PCDHGA12: variants seen among roughly 807,000 people sequenced by gnomAD.
PCDHGA12 encodes protocadherin gamma-A12.
A neutral mutation model predicts 61.1 loss-of-function variants in PCDHGA12; 43 were observed. The ratio of observed to expected loss-of-function variants is 0.70; its 90% CI spans 0.55 to 0.91. The LOEUF (loss-of-function observed/expected upper bound fraction) is 0.91. Among genes scored for constraint, PCDHGA12 ranks in the 40% least tolerant of loss-of-function variants. PCDHGA12 has a pLI of 0.00. For missense variants in PCDHGA12, 1,236 were observed against 1,227.7 expected, an observed-to-expected ratio of 1.01 and a Z score of -0.10; for synonymous variants, 520 against 542.9, an observed-to-expected ratio of 0.96 and a Z score of 0.59.
At position 141,487,447 on chromosome 5, in the gene PCDHGA12, C is replaced by A. The variant is rs758411138; in HGVS notation, c.2425-7360C>A. 4.3e-6 allele frequency: 7 copies of A among 1,614,182 alleles called. No homozygotes were observed. The highest frequency in any genetic ancestry group is 5.9e-6 in the Non-Finnish European group (7 of 1,180,028). Reference sequence around the variant, plus strand: ...TCCGAATCCAGCTAGGGTCAGATGACCCTATCAAGTTTGTTGATGTGGGAG... The same window carrying A: ...TCCGAATCCAGCTAGGGTCAGATGAACCTATCAAGTTTGTTGATGTGGGAG... On this transcript the variant is annotated intron_variant, in intron 1 of 3. Coordinates refer to ENST00000252085, the MANE Select transcript of PCDHGA12 (RefSeq NM_003735.3). The surrounding 1 kb of genome is among the most constrained non-coding windows in gnomAD (Gnocchi z 5.0).
chr5:141,478,364 G>A (rs1382073187), intron 1 of PCDHGA12: 2 of 1,613,660 alleles, frequency 1.2e-6, no homozygotes, highest in African/African-American at 2.7e-5. Flanking sequence ...CGTGCGGGGA[G>A]GCCTGATGTC....
intron 1 of PCDHGA12, among the ~76,000 whole-genome samples, chr5:141,481,426 A>T (rs1431602618): frequency 6.6e-6 from 1 of 152,238 alleles, no homozygotes; most frequent in Non-Finnish European, 1.5e-5. Context: ...TGTGATGATG[A>T]TTGTATCAGT....
At position 141,511,420 on chromosome 5, in the gene PCDHGA12, G is replaced by A; in HGVS notation, c.*247G>A. On this transcript the variant is annotated 3_prime_UTR_variant, in exon 4 of 4. Coordinates refer to ENST00000252085, the MANE Select transcript of PCDHGA12 (RefSeq NM_003735.3). ...TCCAATCAACTGCTGTACCCATGGG[G>A]GTAGTGGGGTTACTGTAGACACCAA... 2.4e-6 allele frequency: 2 copies of A among 830,862 alleles called. No individual in the cohort carries two copies. Among genetic ancestry groups the A allele is most frequent in the Non-Finnish European group, 1.8e-6 (1 of 557,336 alleles). The allele number at this position is 830,862 out of a possible 1,614,324, so 51.5% of individuals were successfully genotyped here.
chr5:141,436,591 G>A (rs903125499), intron 1 of PCDHGA12, among the ~76,000 whole-genome samples: 8 of 152,154 alleles, frequency 5.3e-5, no homozygotes, highest in Non-Finnish European at 1.0e-4. Context: ...TTGAAAGGTC[G>A]TGGTGATGGC....
rs758205179 is a variant in PCDHGA12 at position 141,477,813 on chromosome 5, A to G, written c.2425-16994A>G. ...ACTGATCGCAATGACAATGCCCCCC[A>G]GGTCCTATATCCTCGGCCAGGTGGG... On this transcript the variant is annotated intron_variant, in intron 1 of 3. Transcript: ENST00000252085. This position sits in a 1 kb window ranked among gnomAD's most constrained non-coding sequence, Gnocchi z 4.9. The G allele has an allele frequency of 8.1e-6, 13 of 1,614,002 alleles. No homozygotes were observed. The East Asian group carries it at 2.7e-4, about 33-fold the overall frequency.
intron 1 of PCDHGA12, among the ~76,000 whole-genome samples, chr5:141,467,039 A>G (rs1467529268): frequency 2.6e-5 from 4 of 150,960 alleles, no homozygotes; most frequent in Non-Finnish European, 5.9e-5. Context: ...TTTTTTGTGT[A>G]ATGAATCAAT....
chr5:141,435,910 G>T (rs1296707748), intron 1 of PCDHGA12, among the ~76,000 whole-genome samples: 2 of 152,112 alleles, frequency 1.3e-5, no homozygotes, highest in Non-Finnish European at 2.9e-5. Flanking sequence ...ACATCCAAGG[G>T]CTCTAAAATG....
In PCDHGA12 at chr5:141,491,250, C is replaced by T. The variant is rs1328621598; in HGVS notation, c.2425-3557C>T. The T allele has an allele frequency of 6.2e-7, 1 of 1,614,148 alleles. No individual in the cohort carries two copies. Among genetic ancestry groups the T allele is most frequent in the South Asian group, 1.1e-5 (1 of 91,092 alleles). ...TGCTGCTGGTTCTGGAGGATGAGGA[C>T]CCTGAGGAAATGCCCAAATCCAGTG... On this transcript the variant is annotated intron_variant, in intron 1 of 3. Transcript: ENST00000252085. The surrounding 1 kb of genome is among the most constrained non-coding windows in gnomAD (Gnocchi z 6.9).
chr5:141,434,455 G>A (rs2097695575), intron 1 of PCDHGA12, among the ~76,000 whole-genome samples: 1 of 152,192 alleles, frequency 6.6e-6, no homozygotes, highest in Admixed American at 6.5e-5. Context: ...GAAGGTAGTG[G>A]GTTTACCGGA....
chr5:141,469,517 G>A (rs1416478511), intron 1 of PCDHGA12, among the ~76,000 whole-genome samples: 1 of 152,198 alleles, frequency 6.6e-6, no homozygotes, highest in Non-Finnish European at 1.5e-5. Flanking sequence ...GGAGGTTGCA[G>A]TGAGCCAAGA....
Position 141,489,569 on chromosome 5 carries a change from C to T in PCDHGA12, c.2425-5238C>T. On this transcript the variant is annotated intron_variant, in intron 1 of 3. Coordinates refer to ENST00000252085, the MANE Select transcript of PCDHGA12 (RefSeq NM_003735.3). This position sits in a 1 kb window ranked among gnomAD's most constrained non-coding sequence, Gnocchi z 4.5. ...TGCCTGCTGCCAGTGCAGGTGGTGACTGAACACCCCCTGGAGCTAATCCGT... is the reference window on the plus strand; with the variant it reads ...TGCCTGCTGCCAGTGCAGGTGGTGATTGAACACCCCCTGGAGCTAATCCGT... 6.2e-7 allele frequency: 1 copy of T among 1,614,024 alleles called. No homozygotes were observed. The highest frequency in any genetic ancestry group is 2.2e-5 in the East Asian group (1 of 44,870).
At chr5:141,496,268 G>T (rs1237681971) in intron 2 of PCDHGA12, among the ~76,000 whole-genome samples, 1 of 152,208 alleles carries the variant, frequency 6.6e-6, no homozygotes, top group Non-Finnish European at 1.5e-5. Flanking sequence ...TCAGCAGAAA[G>T]ACCTTCAGTT....
chr5:141,473,233 C>T (rs116489525), intron 1 of PCDHGA12, among the ~76,000 whole-genome samples: 1,684 of 152,238 alleles, frequency 0.011, 34 homozygotes, highest in African/African-American at 0.039. Flanking sequence ...ATTGGATCCA[C>T]ACAAGTGAAT....
At chr5:141,447,768 T>C (rs1392134454) in intron 1 of PCDHGA12, among the ~76,000 whole-genome samples, 1 of 152,212 alleles carries the variant, frequency 6.6e-6, no homozygotes, top group East Asian at 1.9e-4. Context: ...ATATAAATTA[T>C]ACTTTAATTG....
chr5:141,492,846 A>G (rs1404624093), intron 1 of PCDHGA12, among the ~76,000 whole-genome samples: 1 of 152,184 alleles, frequency 6.6e-6, no homozygotes, highest in African/African-American at 2.4e-5. Flanking sequence ...AGGAAGTGAA[A>G]GCCTCGAGCG....
chr5:141,502,027 C>T (rs547850211), intron 2 of PCDHGA12, among the ~76,000 whole-genome samples: 6 of 152,274 alleles, frequency 3.9e-5, no homozygotes, highest in African/African-American at 9.6e-5. Flanking sequence ...CTGCAACCCC[C>T]GCCGCTTGCC....
chr5:141,489,126 T>A lies in PCDHGA12; in HGVS notation c.2425-5681T>A. ...TGCAAGCAGGCAAACCTCCGAGCAGTTTTTAAGAGGCTGGAAGGAGACATA... is the reference window on the plus strand; with the variant it reads ...TGCAAGCAGGCAAACCTCCGAGCAGATTTTAAGAGGCTGGAAGGAGACATA... On this transcript the variant is annotated intron_variant, in intron 1 of 3. Transcript: ENST00000252085. This position sits in a 1 kb window ranked among gnomAD's most constrained non-coding sequence, Gnocchi z 4.5. 1.7e-6 allele frequency: 1 copy of A among 585,136 alleles called. No individual in the cohort carries two copies. Among genetic ancestry groups the A allele is most frequent in the Non-Finnish European group, 2.7e-6 (1 of 375,012 alleles). The allele number at this position is 585,136 out of a possible 1,614,324, so 36.2% of individuals were successfully genotyped here.
Position 141,430,789 on chromosome 5 carries a change from C to A in PCDHGA12, c.30C>A (p.Tyr10Ter), listed in dbSNP as rs2097310124. The A allele has an allele frequency of 6.6e-7, 1 of 1,515,808 alleles. No homozygotes were observed. The highest frequency in any genetic ancestry group is 8.8e-7 in the Non-Finnish European group (1 of 1,133,674). The allele number at this position is 1,515,808 out of a possible 1,614,324, so 93.9% of individuals were successfully genotyped here. A position where few individuals can be genotyped will look rare whatever the true frequency, so the allele number is the denominator to read the frequency against. MIPARLHRD[Y>*]KGLVLLGILL... ...TTCCTGCGCGACTGCACCGGGACTA[C>A]AAAGGGCTTGTCCTGCTGGGAATCC... Residue 10 changes from tyrosine (Y) to a stop codon, truncating the protein, a stop_gained, in exon 1 of 4, where the codon TAC becomes TAA. Transcript: ENST00000252085. LOFTEE classifies it high-confidence loss of function.
chr5:141,478,445 G>C (rs773567457), intron 1 of PCDHGA12: 1 of 1,613,570 alleles, frequency 6.2e-7, no homozygotes, highest in Non-Finnish European at 8.5e-7. Flanking sequence ...GAAGAAACCT[G>C]GTGCAGCCAG....
Sources: gnomAD v4.1 joint callset for allele counts (sites outside exome capture counted in the v4.1 genomes callset) on GRCh38, gnomAD v4.1.1 for gene constraint, Gnocchi (gnomAD v3.1) non-coding constraint, MANE v1.5 for transcripts, NCBI Gene and HGNC (gene_info 2026-07-23, HGNC 2026-07-21) for gene names.